Variants in TMEM217 observed in about 807,000 individuals in gnomAD.
TMEM217 encodes the protein chromosome 6 open reading frame 128.
For missense variants in TMEM217, 204 were observed against 248.8 expected (o/e 0.82, Z 1.21); for synonymous variants, 76 against 88.3 (o/e 0.86, Z 0.78).
At chr6:37,213,716 G>A (rs779319119), downstream of TMEM217, among the ~76,000 whole-genome samples, 18 of 152,222 alleles carry the variant, frequency 1.2e-4, no homozygotes, top group South Asian at 2.1e-4. Context: ...TGCCCGAGCC[G>A]ACCCTGCTGA....
At chr6:37,212,703 A>G, downstream of TMEM217, 1 of 636,708 alleles carries the variant, frequency 1.6e-6, no homozygotes, top group Non-Finnish European at 2.9e-6. Flanking sequence ...TCCACATGGC[A>G]TAGATCAGCA....
downstream of TMEM217, among the ~76,000 whole-genome samples, chr6:37,214,500 T>C (rs1763080318): frequency 6.6e-6 from 1 of 152,048 alleles, no homozygotes; most frequent in African/African-American, 2.4e-5. Context: ...GTGCTGGGAT[T>C]ACAGGCATGA....
intron 1 of TMEM217, among the ~76,000 whole-genome samples, chr6:37,255,842 A>G (rs1765691681): frequency 6.6e-6 from 1 of 152,222 alleles, no homozygotes; most frequent in African/African-American, 2.4e-5. Flanking sequence ...GGTTCCAACA[A>G]TCTCAATTTC....
rs1299654123 is a variant in TMEM217, at chr6:37,247,443, G to A, written c.-12+10125C>T. Among the ~76,000 whole-genome samples, 4 of 150,842 alleles carry A rather than the reference G, an allele frequency of 2.7e-5. No homozygotes were observed. In the East Asian group the frequency reaches 7.8e-4, roughly 29 times the overall value. ...TCGCTCTGTTGCCAGGCTGGAGTGC[G>A]GTGACGCGACCTCAGCTCACTGCAA... On this transcript the variant is annotated intron_variant, in intron 1 of 1. Coordinates refer to ENST00000357219, the Ensembl canonical transcript of TMEM217.
chr6:37,241,099 CTTTTTTTTT>C lies in TMEM217; in HGVS notation c.-12+16460_-12+16468del, dbSNP rs74398542. 1.4e-4 allele frequency among the ~76,000 whole-genome samples: 18 copies of C among 132,898 alleles called. No homozygotes were observed. The South Asian group carries it at 2.1e-3, about 16-fold the overall frequency. 87.2% of individuals were successfully genotyped at this position (132,898 alleles called of 152,430 possible). On this transcript the variant is annotated intron_variant, in intron 1 of 1. Coordinates refer to ENST00000357219, the Ensembl canonical transcript of TMEM217. ...TTCTATATATAATAAAAGTATTACT[CTTTTTTTTT>C]TTTTTTTTGAGACAGGGTCTTGCTC...
At chr6:37,224,565 T>C (rs960628927) in intron 1 of TMEM217, among the ~76,000 whole-genome samples, 15 of 151,346 alleles carry the variant, frequency 9.9e-5, no homozygotes, top group African/African-American at 3.4e-4. Context: ...ACCACTGCAC[T>C]CCAGGCTGGG....
Position 37,218,644 on chromosome 6 carries a change from C to T in TMEM217, c.387G>A (p.Trp129Ter). 1 of 1,614,142 alleles carries T rather than the reference C, an allele frequency of 6.2e-7. No individual in the cohort carries two copies. The highest frequency in any genetic ancestry group is 8.5e-7 in the Non-Finnish European group (1 of 1,180,028). Residue 129 changes from tryptophan to a stop codon, truncating the protein, a stop_gained, in exon 2 of 2, where the codon TGG becomes TGA. Coordinates refer to ENST00000357219, the Ensembl canonical transcript of TMEM217. LOFTEE classifies it low-confidence loss of function (END_TRUNC). ...TGACTGTACGAGACACCAAGCCAAACCAGCGCATGATTCTGACCTCTTTAA... is the reference window on the plus strand; with the variant it reads ...TGACTGTACGAGACACCAAGCCAAATCAGCGCATGATTCTGACCTCTTTAA...
intron 1 of TMEM217, among the ~76,000 whole-genome samples, chr6:37,255,263 C>G (rs1765653426): frequency 6.6e-6 from 1 of 152,120 alleles, no homozygotes; most frequent in Admixed American, 6.5e-5. Context: ...TGAGATGAGA[C>G]TGGAGAGGTG....
At chr6:37,247,442 C>A (rs538577015) in intron 1 of TMEM217, among the ~76,000 whole-genome samples, 2 of 148,058 alleles carry the variant, frequency 1.4e-5, no homozygotes, top group East Asian at 4.0e-4. Context: ...GGCTGGAGTG[C>A]GGTGACGCGA....
exon 1 of TMEM217, chr6:37,257,669 C>T (rs1050628818): frequency 7.0e-5 from 37 of 525,234 alleles, no homozygotes; most frequent in African/African-American, 6.1e-4. Context: ...CTGACGTTAC[C>T]GGTCGGCTTC....
At chr6:37,233,670 G>A (rs1415900718) in intron 1 of TMEM217, among the ~76,000 whole-genome samples, 16 of 152,116 alleles carry the variant, frequency 1.1e-4, no homozygotes, top group African/African-American at 3.4e-4. Context: ...CATTCTAACC[G>A]TAGTACCATC....
intron 1 of TMEM217, among the ~76,000 whole-genome samples, chr6:37,232,990 T>C (rs1171395139): frequency 6.6e-6 from 1 of 151,868 alleles, no homozygotes; most frequent in Non-Finnish European, 1.5e-5. Context: ...ACTGTGGTTC[T>C]GCTGCCATCT....
intron 1 of TMEM217, among the ~76,000 whole-genome samples, chr6:37,227,354 C>T (rs1224384): frequency 0.88 from 133,758 of 152,296 alleles, 58,991 homozygotes; most frequent in African/African-American, 0.96. Flanking sequence ...TCTCTCTTTC[C>T]TAGTTCTTCT....
chr6:37,250,243 T>C (rs1001761956), intron 1 of TMEM217, among the ~76,000 whole-genome samples: 2 of 151,448 alleles, frequency 1.3e-5, no homozygotes, highest in South Asian at 2.1e-4. Context: ...TTCTGCAGAG[T>C]GGTTACATCT....
chr6:37,223,829 T>A (rs1351628627), intron 1 of TMEM217, among the ~76,000 whole-genome samples: 1 of 151,118 alleles, frequency 6.6e-6, no homozygotes, highest in East Asian at 2.0e-4. Context: ...TTTATATATT[T>A]ATTTATAGAG....
At chr6:37,257,724 G>A (rs1266250713) in exon 1 of TMEM217, 3 of 590,582 alleles carry the variant, frequency 5.1e-6, no homozygotes, top group African/African-American at 1.9e-5. Flanking sequence ...GCCCGTCCAC[G>A]GCTTGCGCAG....
intron 1 of TMEM217, among the ~76,000 whole-genome samples, chr6:37,239,012 C>T (rs1227470500): frequency 6.6e-6 from 1 of 152,142 alleles, no homozygotes; most frequent in African/African-American, 2.4e-5. Flanking sequence ...TGCCTGTAAT[C>T]CCAGCTACTA....
chr6:37,226,708 C>A (rs953052364), intron 1 of TMEM217, among the ~76,000 whole-genome samples: 1 of 152,052 alleles, frequency 6.6e-6, no homozygotes, highest in South Asian at 2.1e-4. Context: ...ATTACAGGCG[C>A]GTGCAACCAC....
At chr6:37,255,239 G>A (rs1020808239) in intron 1 of TMEM217, among the ~76,000 whole-genome samples, 6 of 152,222 alleles carry the variant, frequency 3.9e-5, no homozygotes, top group African/African-American at 1.4e-4. Flanking sequence ...GATTAAGCAA[G>A]AAAGAAAGCA....
Sources: allele counts gnomAD v4.1 joint callset (sites outside exome capture counted in the v4.1 genomes callset), GRCh38; gene constraint gnomAD v4.1.1; transcripts MANE v1.5; gene names NCBI Gene and HGNC (gene_info 2026-07-23, HGNC 2026-07-21).